VAV1: variants seen among roughly 807,000 people sequenced by gnomAD.
The protein encoded by VAV1 is vav guanine nucleotide exchange factor 1, also known as proto-oncogene vav.
In VAV1, 33 loss-of-function variants were observed where a neutral mutation model predicts 128.1. That is an observed-to-expected ratio of 0.26 (90% confidence interval 0.20 to 0.34). The LOEUF (loss-of-function observed/expected upper bound fraction) is 0.34. Among genes scored for constraint, VAV1 ranks in the 10% least tolerant of loss-of-function variants. The pLI is 1.00. For synonymous variants in VAV1, 394 were observed against 409.8 expected (o/e 0.96, Z 0.47); for missense variants, 715 against 1,093.7 (o/e 0.65, Z 4.88).
At chr19:6,795,739 A>G (rs1971119110) in intron 1 of VAV1, among the ~76,000 whole-genome samples, 1 of 152,144 alleles carries the variant, frequency 6.6e-6, no homozygotes, top group African/African-American at 2.4e-5. Context: ...GCTGGAGTGC[A>G]GTGGTGCGAT....
At chr19:6,816,968 G>T (rs556233055) in intron 1 of VAV1, among the ~76,000 whole-genome samples, 26 of 151,888 alleles carry the variant, frequency 1.7e-4, no homozygotes, top group African/African-American at 6.0e-4. Flanking sequence ...CATCTCAAAA[G>T]GGTATAAACA....
intron 1 of VAV1, among the ~76,000 whole-genome samples, chr19:6,814,723 T>C (rs1035778269): frequency 6.8e-6 from 1 of 146,976 alleles, no homozygotes; most frequent in East Asian, 2.0e-4. Flanking sequence ...TTTCTTTCTT[T>C]CTTTCTTTCC....
At chr19:6,799,429 A>G (rs1453925555) in intron 1 of VAV1, among the ~76,000 whole-genome samples, 1 of 152,032 alleles carries the variant, frequency 6.6e-6, no homozygotes, top group Non-Finnish European at 1.5e-5. Flanking sequence ...CGGCCTCCCA[A>G]AGTGCTGGGA....
intron 22 of VAV1, 42 bp downstream of exon 22, chr19:6,843,208 G>A (rs1229677635): frequency 6.2e-7 from 1 of 1,612,888 alleles, no homozygotes; most frequent in Admixed American, 1.7e-5. Context: ...AGAGGTTTCT[G>A]GGTTGGGGTT....
chr19:6,800,901 A>G (rs1427362963), intron 1 of VAV1, among the ~76,000 whole-genome samples: 1 of 152,066 alleles, frequency 6.6e-6, no homozygotes, highest in Non-Finnish European at 1.5e-5. Context: ...TGCTGGGATT[A>G]CAGGCGTGAG....
At chr19:6,787,729 T>A (rs1970925834) in intron 1 of VAV1, among the ~76,000 whole-genome samples, 2 of 152,020 alleles carry the variant, frequency 1.3e-5, no homozygotes, top group Admixed American at 6.6e-5. Context: ...CCCAAGTAGT[T>A]GGGACTAATA....
chr19:6,814,702 T>TTCTTTCTTTCTTTCTTTC (rs1971600326), intron 1 of VAV1, among the ~76,000 whole-genome samples: 1 of 134,218 alleles, frequency 7.5e-6, no homozygotes, highest in Non-Finnish European at 1.5e-5. Context: ...CTTTCTTTCT[T>TTCTTTCTTTCTTTCTTTC]TCTTTCTTTC....
At chr19:6,836,673 T>TG (rs1184053007) in intron 20 of VAV1, 105 bp downstream of exon 20, 34 of 1,511,582 alleles carry the variant, frequency 2.2e-5, no homozygotes, top group Admixed American at 4.2e-5. Context: ...GCTCTGGAGG[T>TG]GATGCCTGGG....
At chr19:6,847,680 A>C (rs927063212) in intron 22 of VAV1, among the ~76,000 whole-genome samples, 11 of 151,950 alleles carry the variant, frequency 7.2e-5, no homozygotes, top group Non-Finnish European at 1.0e-4. Flanking sequence ...ATGGGCACAC[A>C]GTGAGCCTTC....
intron 21 of VAV1, among the ~76,000 whole-genome samples, chr19:6,838,629 T>C (rs966235912): frequency 6.6e-5 from 10 of 152,178 alleles, no homozygotes; most frequent in Admixed American, 3.3e-4. Flanking sequence ...CTCTCATCTA[T>C]TCATTTATCA....
intron 1 of VAV1, among the ~76,000 whole-genome samples, chr19:6,802,536 A>T (rs190817131): frequency 1.7e-3 from 252 of 152,078 alleles, no homozygotes; most frequent in Non-Finnish European, 3.0e-3. Flanking sequence ...TTGAGGCATC[A>T]CATGACTGGA....
At chr19:6,791,698 C>A (rs1971021352) in intron 1 of VAV1, among the ~76,000 whole-genome samples, 2 of 152,076 alleles carry the variant, frequency 1.3e-5, no homozygotes, top group African/African-American at 4.8e-5. Flanking sequence ...AGACAGTAAA[C>A]AAATAGACAA....
In VAV1 at chr19:6,833,635, G is replaced by A; in HGVS notation, c.1708+10G>A. On this transcript the variant is annotated intron_variant, in intron 17 of 26. Transcript: ENST00000602142. ...GGCCGACATGGGCAAGGTACGAGTG[G>A]GAGGGAGGCTGGGAGGTGAGCTTGG... The A allele has an allele frequency of 1.2e-6, 2 of 1,614,086 alleles. No individual in the cohort carries two copies. The highest frequency in any genetic ancestry group is 1.7e-6 in the Non-Finnish European group (2 of 1,179,986).
intron 9 of VAV1, chr19:6,827,031 T>G: frequency 3.0e-6 from 1 of 330,640 alleles, no homozygotes; most frequent in African/African-American, 2.1e-5. Flanking sequence ...GAGCTCCCAC[T>G]TCTCACTGAA....
At chr19:6,788,182 C>T (rs1450634151) in intron 1 of VAV1, among the ~76,000 whole-genome samples, 1 of 152,034 alleles carries the variant, frequency 6.6e-6, no homozygotes. Context: ...GATCCTTCTG[C>T]CTCAGCCTCC....
chr19:6,803,725 T>G (rs953926581), intron 1 of VAV1, among the ~76,000 whole-genome samples: 13 of 152,184 alleles, frequency 8.5e-5, no homozygotes, highest in Admixed American at 7.2e-4. Context: ...CCACCACACC[T>G]GGCTAATTTT....
chr19:6,788,508 G>T (rs568941502), intron 1 of VAV1, among the ~76,000 whole-genome samples: 1 of 151,780 alleles, frequency 6.6e-6, no homozygotes, highest in Admixed American at 6.6e-5. Flanking sequence ...TAGTAGCTGG[G>T]ATTACAGACA....
intron 22 of VAV1, among the ~76,000 whole-genome samples, chr19:6,843,878 T>C (rs1037062666): frequency 1.3e-5 from 2 of 151,428 alleles, no homozygotes; most frequent in Non-Finnish European, 2.9e-5. Flanking sequence ...ACAGTGTCCA[T>C]CTTCTGCTGA....
At chr19:6,791,304 AAGGTCCTTGAGTTATTTCCTCATCTCG>A (rs1218385508) in intron 1 of VAV1, among the ~76,000 whole-genome samples, 1 of 150,554 alleles carries the variant, frequency 6.6e-6, no homozygotes, top group Non-Finnish European at 1.5e-5. Context: ...TCCTCATCTT[AAGGTCCTTGAGTTATTTCCTCATCTCG>A]AGGTCCTTGA....
Sources: gnomAD v4.1 joint callset for allele counts (sites outside exome capture counted in the v4.1 genomes callset) on GRCh38, gnomAD v4.1.1 for gene constraint, MANE v1.5 for transcripts, NCBI Gene and HGNC (gene_info 2026-07-23, HGNC 2026-07-21) for gene names.